The following RABGAP1L variants were observed in gnomAD, a reference collection of about 807,000 sequenced individuals.
RABGAP1L encodes rab GTPase-activating protein 1-like.
A neutral mutation model predicts 137.7 loss-of-function variants in RABGAP1L; 63 were observed. The ratio of observed to expected loss-of-function variants is 0.46; its 90% CI spans 0.37 to 0.56. The LOEUF (loss-of-function observed/expected upper bound fraction) is 0.56, where lower values mean the gene tolerates loss of function less well. Ranked by LOEUF, RABGAP1L falls within the 20% of genes least tolerant of loss-of-function variation. The probability of loss-of-function intolerance (pLI) is 0.00; values close to 1 mark genes in which losing one functional copy is unlikely to be tolerated. For synonymous variants in RABGAP1L, 431 were observed against 433.7 expected, an observed-to-expected ratio of 0.99 and a Z score of 0.08; for missense variants, 1,095 against 1,244.0, an observed-to-expected ratio of 0.88 and a Z score of 1.80.
At chr1:174,938,326 T>C (rs2149282397) in intron 19 of RABGAP1L, 1 of 152,364 alleles carries the variant, frequency 6.6e-6, no homozygotes, top group East Asian at 1.9e-4. Flanking sequence ...TCACATAGTT[T>C]CTTGTAATAA....
intron 13 of RABGAP1L, among the ~76,000 whole-genome samples, chr1:174,407,297 T>C (rs150844157): frequency 6.7e-6 from 1 of 149,290 alleles, no homozygotes; most frequent in Middle Eastern, 3.4e-3. Context: ...TTGTGTCTCT[T>C]TATGTTTTTT....
intron 19 of RABGAP1L, among the ~76,000 whole-genome samples, chr1:174,953,126 G>T (rs551126400): frequency 6.1e-4 from 93 of 152,004 alleles, no homozygotes; most frequent in African/African-American, 2.2e-3. Flanking sequence ...ACAAAATAGG[G>T]TGATATCACT....
chr1:174,433,322 G>A (rs574504761), intron 13 of RABGAP1L, among the ~76,000 whole-genome samples: 112 of 152,214 alleles, frequency 7.4e-4, no homozygotes, highest in African/African-American at 2.3e-3. Flanking sequence ...TGAGAAGAAA[G>A]GTCATACTGT....
chr1:174,450,197 G>A (rs1348425814), intron 13 of RABGAP1L, among the ~76,000 whole-genome samples: 1 of 151,984 alleles, frequency 6.6e-6, no homozygotes, highest in Non-Finnish European at 1.5e-5. Flanking sequence ...CAGCAGTGAG[G>A]TATTACTCTT....
intron 3 of RABGAP1L, among the ~76,000 whole-genome samples, chr1:174,224,850 AAT>A (rs1462310907): frequency 1.3e-5 from 2 of 151,992 alleles, no homozygotes; most frequent in Admixed American, 6.6e-5. Flanking sequence ...TCCTATTTGT[AAT>A]ATGTTATTTT....
intron 13 of RABGAP1L, among the ~76,000 whole-genome samples, chr1:174,523,636 A>T (rs1251907430): frequency 6.6e-6 from 1 of 152,180 alleles, no homozygotes; most frequent in Non-Finnish European, 1.5e-5. Context: ...TTTTGGTAAC[A>T]TTTTAAGTCC....
rs1362889689 is a variant in RABGAP1L at position 174,561,288 on chromosome 1, A to G, written c.1711-76087A>G. Among the ~76,000 whole-genome samples the G allele has an allele frequency of 1.3e-5, 2 of 152,174 alleles. 1 individual carries two copies. The highest frequency in any genetic ancestry group is 2.9e-5 in the Non-Finnish European group (2 of 68,030). On this transcript the variant is annotated intron_variant, in intron 13 of 25. Coordinates refer to ENST00000681986, the MANE Select transcript of RABGAP1L (RefSeq NM_001366446.1). Reference sequence around the variant, plus strand: ...CTATAAAGAGAATAAAATACCTAGGAATAAAACTTACAGGGATGTGAAGGA... The same window carrying G: ...CTATAAAGAGAATAAAATACCTAGGGATAAAACTTACAGGGATGTGAAGGA...
At chr1:174,943,611 G>A (rs1316062297) in intron 19 of RABGAP1L, among the ~76,000 whole-genome samples, 8 of 152,122 alleles carry the variant, frequency 5.3e-5, no homozygotes, top group East Asian at 3.9e-4. Flanking sequence ...TGAGGTAGGC[G>A]GATCACGAGG....
chr1:174,634,750 G>A lies in RABGAP1L; in HGVS notation c.1711-2625G>A, dbSNP rs368462419. 1.7e-3 allele frequency among the ~76,000 whole-genome samples: 247 copies of A among 143,338 alleles called. 4 individuals carry two copies. In the East Asian group the frequency reaches 0.046, roughly 27 times the overall value. 94.0% of individuals were successfully genotyped at this position (143,338 alleles called of 152,430 possible). A position where few individuals can be genotyped will look rare whatever the true frequency, so the allele number is the denominator to read the frequency against. ...CCTTTGTAGGGACATGGATGAAATT[G>A]GAAACCATCATTCTCAGTAAACTAT... On this transcript the variant is annotated intron_variant, in intron 13 of 25. Coordinates refer to ENST00000681986, the MANE Select transcript of RABGAP1L (RefSeq NM_001366446.1).
intron 13 of RABGAP1L, among the ~76,000 whole-genome samples, chr1:174,420,517 T>A (rs1651130520): frequency 6.6e-6 from 1 of 152,148 alleles, no homozygotes; most frequent in Non-Finnish European, 1.5e-5. Context: ...TAATTTAATA[T>A]GTTGGGTTGC....
At chr1:174,891,110 T>C (rs1171155563) in intron 19 of RABGAP1L, among the ~76,000 whole-genome samples, 1 of 152,252 alleles carries the variant, frequency 6.6e-6, no homozygotes, top group East Asian at 1.9e-4. Context: ...TGTATATCTG[T>C]GCCTATTTAA....
intron 13 of RABGAP1L, among the ~76,000 whole-genome samples, chr1:174,402,730 T>G (rs1241498509): frequency 6.6e-6 from 1 of 152,156 alleles, no homozygotes; most frequent in African/African-American, 2.4e-5. Flanking sequence ...GAAACGACAA[T>G]AGAAGGATCA....
intron 13 of RABGAP1L, among the ~76,000 whole-genome samples, chr1:174,414,194 A>G (rs1268564230): frequency 6.6e-6 from 1 of 152,040 alleles, no homozygotes; most frequent in African/African-American, 2.4e-5. Flanking sequence ...TCTAGGCCAC[A>G]TGGTTGGCAT....
intron 19 of RABGAP1L, among the ~76,000 whole-genome samples, chr1:174,842,376 A>T (rs80325973): frequency 0.021 from 3,134 of 152,258 alleles, 51 homozygotes; most frequent in Middle Eastern, 0.082. Flanking sequence ...AACAGAAAAA[A>T]CTCATTACTA....
intron 13 of RABGAP1L, among the ~76,000 whole-genome samples, chr1:174,420,431 A>G (rs2149161993): frequency 6.6e-6 from 1 of 152,226 alleles, no homozygotes; most frequent in Admixed American, 6.5e-5. Context: ...TGACATAGAG[A>G]TAATGATATG....
intron 14 of RABGAP1L, among the ~76,000 whole-genome samples, chr1:174,661,260 A>G (rs963874259): frequency 1.3e-5 from 2 of 152,224 alleles, no homozygotes; most frequent in African/African-American, 4.8e-5. Flanking sequence ...TCATAACCAT[A>G]TTGATTTTAT....
intron 13 of RABGAP1L, among the ~76,000 whole-genome samples, chr1:174,616,781 G>T (rs1200352277): frequency 6.6e-6 from 1 of 152,204 alleles, no homozygotes; most frequent in Non-Finnish European, 1.5e-5. Context: ...TGAAAGTTCT[G>T]TTAGACCAGT....
At chr1:174,623,601 C>A (rs1342141206) in intron 13 of RABGAP1L, among the ~76,000 whole-genome samples, 1 of 152,170 alleles carries the variant, frequency 6.6e-6, no homozygotes, top group Non-Finnish European at 1.5e-5. Context: ...TTTCTGGCAT[C>A]AGTGTTTGAT....
intron 11 of RABGAP1L, among the ~76,000 whole-genome samples, chr1:174,311,444 G>A (rs571483671): frequency 1.3e-5 from 2 of 152,158 alleles, no homozygotes; most frequent in South Asian, 2.1e-4. Flanking sequence ...AAGCCTAACC[G>A]TATCATCATC....
Sources: gnomAD v4.1 joint callset for allele counts (sites outside exome capture counted in the v4.1 genomes callset) on GRCh38, gnomAD v4.1.1 for gene constraint, MANE v1.5 for transcripts, NCBI Gene and HGNC (gene_info 2026-07-23, HGNC 2026-07-21) for gene names.